The following PROM1 variants were observed in gnomAD, a reference collection of about 807,000 sequenced individuals.
PROM1 encodes prominin 1, also known as prominin-1.
PROM1 carries 105 observed loss-of-function variants against 116.9 expected under a neutral mutation model. That is an observed-to-expected ratio of 0.90 (90% CI 0.77 to 1.06). The LOEUF (loss-of-function observed/expected upper bound fraction) is 1.06, where lower values mean the gene tolerates loss of function less well. PROM1 is among the 50% of genes least tolerant of loss of function. PROM1 has a pLI of 0.00. For synonymous variants in PROM1, 393 were observed against 387.0 expected (o/e 1.02, Z -0.18); for missense variants, 1,122 against 1,045.2 (o/e 1.07, Z -1.01).
intron 4 of PROM1, among the ~76,000 whole-genome samples, chr4:16,033,902 C>CATATATATATAT (rs35739890): frequency 6.8e-6 from 1 of 147,074 alleles, no homozygotes; most frequent in African/African-American, 2.5e-5. Context: ...TGAATGTGTA[C>CATATATATATAT]ATATATATAT....
At chr4:15,981,811 T>A (rs1256952408) in intron 23 of PROM1, among the ~76,000 whole-genome samples, 2 of 152,230 alleles carry the variant, frequency 1.3e-5, no homozygotes, top group Non-Finnish European at 2.9e-5. Flanking sequence ...TATCCTTTTT[T>A]AAATAGTTGC....
intron 12 of PROM1, among the ~76,000 whole-genome samples, chr4:16,007,191 T>C (rs1271416908): frequency 2.6e-5 from 4 of 152,206 alleles, no homozygotes; most frequent in Non-Finnish European, 5.9e-5. Flanking sequence ...GCAGAAATAT[T>C]TGGGGCCACT....
intron 9 of PROM1, among the ~76,000 whole-genome samples, 176 bp from the exon 10 acceptor site, chr4:16,016,416 T>C (rs1215381447): frequency 5.3e-5 from 8 of 152,172 alleles, no homozygotes. Flanking sequence ...AGACCCTCCT[T>C]GACAAGCACT....
chr4:16,009,557 G>A (rs1345774480), intron 11 of PROM1, among the ~76,000 whole-genome samples: 5 of 152,242 alleles, frequency 3.3e-5, no homozygotes, highest in South Asian at 2.1e-4. Flanking sequence ...CTCTGGTAAC[G>A]GGATTGAAAT....
chr4:16,024,356 T>G lies in PROM1; in HGVS notation c.633A>C (p.Gln211His), dbSNP rs1578092290. ...LRTLLNETPE[Q>H]IKYILAQYNT... ...TGTACTGGGCCAATATATATTTGATTTGCTGAAAAAAGAACATTCTGTGAA... is the reference window on the plus strand; with the variant it reads ...TGTACTGGGCCAATATATATTTGATGTGCTGAAAAAAGAACATTCTGTGAA... The change falls in exon 7 of 28, where the codon CAA becomes CAC. Residue 211 changes from glutamine (Q) to histidine (H), a missense_variant and splice_region_variant. Gln to His is a conservative substitution (Grantham distance 24). Coordinates refer to ENST00000447510, the MANE Select transcript of PROM1 (RefSeq NM_006017.3). 1 of 1,610,510 alleles carries G rather than the reference T, an allele frequency of 6.2e-7. No individual in the cohort carries two copies. The highest frequency in any genetic ancestry group is 8.5e-7 in the Non-Finnish European group (1 of 1,178,302).
intron 26 of PROM1, among the ~76,000 whole-genome samples, chr4:15,972,542 G>A (rs565916922): frequency 5.3e-4 from 80 of 152,228 alleles, no homozygotes; most frequent in South Asian, 1.7e-3. Flanking sequence ...CCAAGGTCTC[G>A]CCTGTTAATA....
chr4:16,000,593 CA>C lies in PROM1; in HGVS notation c.1480del (p.Cys494AlafsTer4). 1 of 1,570,862 alleles carries C rather than the reference CA, an allele frequency of 6.4e-7. No individual in the cohort carries two copies. Among genetic ancestry groups the C allele is most frequent in the Non-Finnish European group, 8.7e-7 (1 of 1,150,972 alleles). ...AACCACAATGATCATCAATATCCAG[CA>C]AAAGAGGAAACTTAATCCAACTCCA... ...MVGVGLSFLF[C>X]WILMIIVVLT... is the part of the protein sequence containing the mutation. On this transcript the variant is annotated frameshift_variant, in exon 14 of 28. Transcript: ENST00000447510. LOFTEE classifies it high-confidence loss of function.
intron 3 of PROM1, among the ~76,000 whole-genome samples, chr4:16,036,857 A>G (rs936746268): frequency 2.6e-5 from 4 of 152,196 alleles, no homozygotes; most frequent in Non-Finnish European, 5.9e-5. Context: ...TCTTTGGATA[A>G]TGGTAGAAAG....
intron 5 of PROM1, among the ~76,000 whole-genome samples, chr4:16,030,795 T>C (rs920134867): frequency 1.3e-5 from 2 of 152,232 alleles, no homozygotes; most frequent in East Asian, 1.9e-4. Flanking sequence ...CCTGTAATCC[T>C]AGCACTTTGG....
In PROM1 at chr4:16,033,332, A is replaced by T. The variant is rs1455697279; in HGVS notation, c.481T>A (p.Ser161Thr). ...ATTATTATACAAATCACCAACAGGG[A>T]GATTGCAAAGCATTTCCTCAGGAAG... is the stretch of plus-strand genomic sequence containing the variant. ...GPFLRKCFAI[S>T]LLVICIIISI... Residue 161 changes from serine to threonine, a missense_variant, in exon 5 of 28, where the codon TCC becomes ACC. Coordinates refer to ENST00000447510, the MANE Select transcript of PROM1 (RefSeq NM_006017.3). The T allele has an allele frequency of 6.2e-7, 1 of 1,613,660 alleles. No individual in the cohort carries two copies. The highest frequency in any genetic ancestry group is 2.2e-5 in the East Asian group (1 of 44,872).
intron 14 of PROM1, among the ~76,000 whole-genome samples, chr4:16,000,168 C>T (rs1723404693): frequency 1.3e-5 from 2 of 152,234 alleles, no homozygotes; most frequent in African/African-American, 4.8e-5. Context: ...TTCCCAGCCA[C>T]ATTTGGAAAC....
At chr4:16,051,398 G>A (rs1289592460) in intron 2 of PROM1, among the ~76,000 whole-genome samples, 1 of 152,198 alleles carries the variant, frequency 6.6e-6, no homozygotes, top group East Asian at 1.9e-4. Flanking sequence ...TAAATGTTAT[G>A]CCATTATTAT....
chr4:16,040,711 A>T (rs1735018712), intron 2 of PROM1, among the ~76,000 whole-genome samples: 2 of 152,222 alleles, frequency 1.3e-5, no homozygotes, highest in Admixed American at 1.3e-4. Context: ...CTTAGGGTGA[A>T]GTGAGAAAAC....
intron 26 of PROM1, among the ~76,000 whole-genome samples, chr4:15,979,030 GGAAA>G (rs1327134273): frequency 3.3e-5 from 5 of 151,304 alleles, no homozygotes; most frequent in Non-Finnish European, 5.9e-5. Context: ...AAGGAAGGAA[GGAAA>G]GAAAGAAGGA....
At chr4:15,985,343 T>C (rs1170436699) in intron 22 of PROM1, among the ~76,000 whole-genome samples, 1 of 152,062 alleles carries the variant, frequency 6.6e-6, no homozygotes, top group Non-Finnish European at 1.5e-5. Flanking sequence ...GAGGGACAAT[T>C]GTATATATTT....
intron 2 of PROM1, among the ~76,000 whole-genome samples, chr4:16,070,743 G>T (rs139165712): frequency 1.3e-4 from 20 of 152,252 alleles, no homozygotes; most frequent in Non-Finnish European, 2.2e-4. Context: ...CCAAACCTTG[G>T]CTTCTAGACC....
At chr4:15,996,728 T>C (rs1037784341) in intron 15 of PROM1, among the ~76,000 whole-genome samples, 9 of 152,174 alleles carry the variant, frequency 5.9e-5, no homozygotes, top group African/African-American at 1.9e-4. Flanking sequence ...CTCTTGAATA[T>C]CAAATGATGG....
chr4:16,046,897 T>A (rs755708751), intron 2 of PROM1, among the ~76,000 whole-genome samples: 1 of 152,216 alleles, frequency 6.6e-6, no homozygotes, highest in Non-Finnish European at 1.5e-5. Context: ...GGCTAGGCCC[T>A]CATCCAACCA....
chr4:16,022,357 G>A (rs1730122206), intron 8 of PROM1, among the ~76,000 whole-genome samples: 1 of 152,172 alleles, frequency 6.6e-6, no homozygotes, highest in Non-Finnish European at 1.5e-5. Flanking sequence ...TGTTCGTGAT[G>A]TTATTGTCGA....
Sources: allele counts gnomAD v4.1 joint callset (sites outside exome capture counted in the v4.1 genomes callset), GRCh38; gene constraint gnomAD v4.1.1; transcripts MANE v1.5; gene names NCBI Gene and HGNC (gene_info 2026-07-23, HGNC 2026-07-21).